Variants in SIK2 observed in about 807,000 individuals in gnomAD.
SIK2 encodes the protein serine/threonine-protein kinase SIK2.
SIK2 carries 29 observed loss-of-function variants against 103.2 expected under a neutral mutation model. That is an observed-to-expected ratio of 0.28 (90% CI 0.21 to 0.38). The LOEUF (loss-of-function observed/expected upper bound fraction) is 0.38. Ranked by LOEUF, SIK2 falls within the 10% of genes least tolerant of loss-of-function variation. The probability of loss-of-function intolerance (pLI) is 1.00; values close to 1 mark genes in which losing one functional copy is unlikely to be tolerated. For synonymous variants in SIK2, 412 were observed against 446.1 expected, an observed-to-expected ratio of 0.92 and a Z score of 0.96; for missense variants, 879 against 1,171.0, an observed-to-expected ratio of 0.75 and a Z score of 3.64.
chr11:111,703,310 A>C lies in SIK2; in HGVS notation c.835A>C (p.Arg279=), dbSNP rs1467885454. The C allele has an allele frequency of 6.2e-7, 1 of 1,614,210 alleles. No individual in the cohort carries two copies. The highest frequency in any genetic ancestry group is 1.7e-5 in the Admixed American group (1 of 60,022). The change falls in exon 7 of 15, where the codon AGA becomes CGA. Residue 279 remains arginine (R), a synonymous_variant. Coordinates refer to ENST00000304987, the MANE Select transcript of SIK2 (RefSeq NM_015191.3). ...KWMLIEVPVQ[R]PVLYPQEQEN... ...GATGCTCATAGAAGTTCCTGTCCAG[A>C]GACCTGTTCTCTATCCACAAGAGCA... is the stretch of plus-strand genomic sequence containing the variant.
rs942884372 is a variant in SIK2 at position 111,726,119 on chromosome 11, G to A, written c.*1990G>A. ...ACAAAATAGCCAGTTATAAAATGGG[G>A]CTTGATTTGTTTAGACTGAAGGAAG... On this transcript the variant is annotated 3_prime_UTR_variant, in exon 15 of 15. Transcript: ENST00000304987. 7 of 152,136 alleles carry A rather than the reference G, an allele frequency of 4.6e-5. No individual in the cohort carries two copies. The highest frequency in any genetic ancestry group is 1.7e-4 in the African/African-American group (7 of 41,432). The allele number at this position is 152,136 out of a possible 1,614,324, so 9.4% of individuals were successfully genotyped here.
chr11:111,721,210 C>T (rs1264864995), intron 12 of SIK2, 148 bp downstream of exon 12: 3 of 930,554 alleles, frequency 3.2e-6, no homozygotes, highest in Admixed American at 5.9e-5. Context: ...TGCCTTGTTG[C>T]TGCCACCTGC....
chr11:111,675,899 C>G (rs1293221038), intron 3 of SIK2, among the ~76,000 whole-genome samples: 5 of 152,208 alleles, frequency 3.3e-5, no homozygotes, highest in African/African-American at 7.2e-5. Context: ...CCCTCACCCT[C>G]GTCCCACCCT....
At chr11:111,612,630 T>C (rs991536594) in intron 1 of SIK2, among the ~76,000 whole-genome samples, 1 of 152,178 alleles carries the variant, frequency 6.6e-6, no homozygotes, top group Non-Finnish European at 1.5e-5. Flanking sequence ...AGTTCTTTTT[T>C]CCTTCTGTCT....
rs745447711 is a variant in SIK2 at position 111,723,631 on chromosome 11, T to TTCTCAGCAGGCCCCACCGTTCAGC, written c.2284_2307dup (p.Ser762_Ser769dup). Reference sequence around the variant, plus strand: ...TTCCCCGCCAGGAGACTCCACCGCCTTCTCAGCAGGCCCCACCGTTCAGCC... The same window carrying TTCTCAGCAGGCCCCACCGTTCAGC: ...TTCCCCGCCAGGAGACTCCACCGCCTTCTCAGCAGGCCCCACCGTTCAGCTCTCAGCAGGCCCCACCGTTCAGCC... On this transcript the variant is annotated inframe_insertion, in exon 15 of 15. Coordinates refer to ENST00000304987, the MANE Select transcript of SIK2 (RefSeq NM_015191.3). 302 of 1,614,072 alleles carry TTCTCAGCAGGCCCCACCGTTCAGC rather than the reference T, an allele frequency of 1.9e-4. 3 individuals carry two copies. The South Asian group carries it at 2.6e-3, about 14-fold the overall frequency.
chr11:111,628,163 A>G (rs2135846408), intron 3 of SIK2, among the ~76,000 whole-genome samples: 1 of 152,288 alleles, frequency 6.6e-6, no homozygotes, highest in South Asian at 2.1e-4. Flanking sequence ...TTTATTTAAT[A>G]TTATCCGTAG....
chr11:111,692,433 G>C (rs1348448524), intron 4 of SIK2, among the ~76,000 whole-genome samples: 1 of 147,734 alleles, frequency 6.8e-6, no homozygotes, highest in African/African-American at 2.5e-5. Flanking sequence ...ATCGAGGCTG[G>C]GGTATCTGCC....
chr11:111,719,541 A>G (rs1419801581), intron 9 of SIK2, among the ~76,000 whole-genome samples: 1 of 152,156 alleles, frequency 6.6e-6, no homozygotes, highest in African/African-American at 2.4e-5. Context: ...ACTCAGAGAA[A>G]CCTGGGCAGC....
At chr11:111,692,468 A>G (rs1322125407) in intron 4 of SIK2, among the ~76,000 whole-genome samples, 1 of 150,896 alleles carries the variant, frequency 6.6e-6, no homozygotes, top group Non-Finnish European at 1.5e-5. Context: ...CCACACATGC[A>G]AAGGCTGAGA....
rs775074794 is a variant in SIK2, at chr11:111,723,731, C to G, written c.2383C>G (p.Gln795Glu). The G allele has an allele frequency of 1.3e-5, 21 of 1,614,048 alleles. No homozygotes were observed. Among genetic ancestry groups the G allele is most frequent in the Non-Finnish European group, 1.8e-5 (21 of 1,180,058 alleles). ...MQYSPFLSQY[Q>E]EMQLQPLPST... Reference sequence around the variant, plus strand: ...ATACAGCCCTTTCCTCAGCCAGTACCAAGAGATGCAGCTTCAGCCCCTGCC... The same window carrying G: ...ATACAGCCCTTTCCTCAGCCAGTACGAAGAGATGCAGCTTCAGCCCCTGCC... Residue 795 changes from glutamine to glutamate, a missense_variant, in exon 15 of 15, where the codon CAA (glutamine) becomes GAA (glutamate). Physicochemically the swap from Gln to Glu is conservative, Grantham distance 29. This residue lies in a region of SIK2 where 375 missense variants were observed against 416.3 expected (regional missense o/e 0.90). Transcript: ENST00000304987.
At chr11:111,645,817 A>AAT (rs150065971) in intron 3 of SIK2, among the ~76,000 whole-genome samples, 2 of 151,616 alleles carry the variant, frequency 1.3e-5, no homozygotes, top group Non-Finnish European at 2.9e-5. Flanking sequence ...AAAAAAAAAA[A>AAT]GACAAAGAAG....
intron 8 of SIK2, among the ~76,000 whole-genome samples, chr11:111,707,378 TGG>T (rs1565377233): frequency 6.6e-6 from 1 of 152,240 alleles, no homozygotes; most frequent in Non-Finnish European, 1.5e-5. Context: ...ATATTTAATT[TGG>T]CTTAGGGTTC....
chr11:111,626,794 G>T (rs1941967317), intron 3 of SIK2, among the ~76,000 whole-genome samples: 1 of 151,438 alleles, frequency 6.6e-6, no homozygotes, highest in African/African-American at 2.4e-5. Context: ...ACTGTACTCT[G>T]TTATCATGTA....
At chr11:111,612,926 A>ATATATATATG (rs1555024109) in intron 1 of SIK2, among the ~76,000 whole-genome samples, 7 of 26,714 alleles carry the variant, frequency 2.6e-4, no homozygotes, top group African/African-American at 3.9e-4. Context: ...ATATATATAT[A>ATATATATATG]TATATATATA....
rs118037491 is a variant in SIK2 at position 111,717,760 on chromosome 11, A to C, written c.1267-2015A>C. 7.4e-3 allele frequency among the ~76,000 whole-genome samples: 1,134 copies of C among 152,350 alleles called. 8 individuals carry two copies. The highest frequency in any genetic ancestry group is 0.061 in the Middle Eastern group (18 of 294). The stretch of plus-strand genomic sequence containing the variant: ...ATATACACCATGGAATACCATGCAT[A>C]CATAGAAAGGAATGAGATCATGTCC... On this transcript the variant is annotated intron_variant, in intron 9 of 14. Coordinates refer to ENST00000304987, the MANE Select transcript of SIK2 (RefSeq NM_015191.3).
At chr11:111,709,151 T>C (rs772042041) in intron 8 of SIK2, among the ~76,000 whole-genome samples, 10 of 152,230 alleles carry the variant, frequency 6.6e-5, no homozygotes, top group Non-Finnish European at 1.2e-4. Context: ...TGAGGGTTGC[T>C]ACCTGGTGAG....
At chr11:111,648,880 A>T (rs554074650) in intron 3 of SIK2, among the ~76,000 whole-genome samples, 2 of 152,198 alleles carry the variant, frequency 1.3e-5, no homozygotes, top group Non-Finnish European at 2.9e-5. Context: ...AGTTCAACTT[A>T]GAGACATGTT....
At chr11:111,612,273 CT>C (rs1941737371) in intron 1 of SIK2, among the ~76,000 whole-genome samples, 2 of 152,144 alleles carry the variant, frequency 1.3e-5, no homozygotes, top group South Asian at 4.1e-4. Context: ...GTTTCATTTA[CT>C]TCACAGAATT....
At chr11:111,713,843 T>C (rs1453684108) in intron 9 of SIK2, among the ~76,000 whole-genome samples, 1 of 152,016 alleles carries the variant, frequency 6.6e-6, no homozygotes, top group African/African-American at 2.4e-5. Flanking sequence ...TGCGGGCGCC[T>C]GTAATCCCAG....
Sources: gnomAD v4.1 joint callset for allele counts (sites outside exome capture counted in the v4.1 genomes callset) on GRCh38, gnomAD v4.1.1 for gene constraint, gnomAD v4.1.1 regional missense constraint, MANE v1.5 for transcripts, NCBI Gene and HGNC (gene_info 2026-07-23, HGNC 2026-07-21) for gene names.